The following ENPP6 variants were observed in gnomAD, a reference collection of about 807,000 sequenced individuals.
ENPP6 encodes the protein glycerophosphocholine cholinephosphodiesterase ENPP6.
ENPP6 carries 32 observed loss-of-function variants against 42.0 expected under a neutral mutation model. The observed-to-expected ratio is 0.76, with a 90% CI of 0.58 to 1.02. The LOEUF (loss-of-function observed/expected upper bound fraction) is 1.02, where lower values mean the gene tolerates loss of function less well. ENPP6 is among the 50% of genes least tolerant of loss of function. ENPP6 has a pLI of 0.00. For missense variants in ENPP6, 552 were observed against 566.8 expected (o/e 0.97, Z 0.27); for synonymous variants, 213 against 216.0 (o/e 0.99, Z 0.12).
At chr4:184,194,216 G>A (rs889424838) in intron 1 of ENPP6, among the ~76,000 whole-genome samples, 9 of 152,202 alleles carry the variant, frequency 5.9e-5, no homozygotes, top group Non-Finnish European at 1.2e-4. Flanking sequence ...TCCCGCAAGC[G>A]TCGCAGTGTG....
At chr4:184,188,729 A>G (rs1306034204) in intron 1 of ENPP6, among the ~76,000 whole-genome samples, 1 of 152,160 alleles carries the variant, frequency 6.6e-6, no homozygotes, top group Non-Finnish European at 1.5e-5. Flanking sequence ...TGTATTGCCA[A>G]TTAAATGTGG....
At chr4:184,110,008 G>C (rs1736173009) in intron 6 of ENPP6, among the ~76,000 whole-genome samples, 1 of 152,148 alleles carries the variant, frequency 6.6e-6, no homozygotes, top group South Asian at 2.1e-4. Flanking sequence ...GAAGGGAGAA[G>C]GTACTTGGAC....
At chr4:184,098,402 A>G (rs1735946728) in intron 6 of ENPP6, among the ~76,000 whole-genome samples, 2 of 152,126 alleles carry the variant, frequency 1.3e-5, no homozygotes, top group Non-Finnish European at 1.5e-5. Flanking sequence ...ATCTAATCAC[A>G]TTTCCTAGCA....
rs1305780969 is a variant in ENPP6, at chr4:184,153,617, A to G, written c.358T>C (p.Ser120Pro). ...DSLMPLWWNG[S>P]EPLWVTLTKA... ...GTCAGAGTGACCCACAGAGGTTCTGATCCATTCCACCAGAGAGGCATTAGG... is the reference window on the plus strand; with the variant it reads ...GTCAGAGTGACCCACAGAGGTTCTGGTCCATTCCACCAGAGAGGCATTAGG... The change falls in exon 2 of 8, where the codon TCA becomes CCA. Residue 120 changes from serine (S) to proline (P), a missense_variant. Ser to Pro is a moderately conservative substitution (Grantham distance 74, BLOSUM62 -1). Coordinates refer to ENST00000296741, the MANE Select transcript of ENPP6 (RefSeq NM_153343.4). 1.2e-6 allele frequency: 2 copies of G among 1,614,026 alleles called. No homozygotes were observed. Among genetic ancestry groups the G allele is most frequent in the African/African-American group, 1.3e-5 (1 of 74,912 alleles).
chr4:184,171,588 G>A (rs74503163), intron 1 of ENPP6, among the ~76,000 whole-genome samples: 7 of 152,204 alleles, frequency 4.6e-5, no homozygotes, highest in Admixed American at 2.6e-4. Flanking sequence ...ATAATTAAGC[G>A]GTGTCACGAG....
intron 1 of ENPP6, among the ~76,000 whole-genome samples, chr4:184,161,264 A>G (rs1579642352): frequency 6.6e-6 from 1 of 152,262 alleles, no homozygotes; most frequent in African/African-American, 2.4e-5. Flanking sequence ...GAAGATATAC[A>G]AATGACCAGC....
chr4:184,183,943 A>G (rs1007354964), intron 1 of ENPP6, among the ~76,000 whole-genome samples: 3 of 152,152 alleles, frequency 2.0e-5, no homozygotes, highest in Non-Finnish European at 4.4e-5. Flanking sequence ...TTCCCCTGCT[A>G]TTTGCCAGAG....
intron 6 of ENPP6, among the ~76,000 whole-genome samples, chr4:184,111,048 A>G (rs1014398447): frequency 2.0e-5 from 3 of 152,026 alleles, no homozygotes; most frequent in Non-Finnish European, 4.4e-5. Context: ...TGGAATTGAG[A>G]TGGCACCTCA....
chr4:184,146,181 C>T (rs1736917420), intron 2 of ENPP6, among the ~76,000 whole-genome samples: 1 of 151,646 alleles, frequency 6.6e-6, no homozygotes, highest in Non-Finnish European at 1.5e-5. Flanking sequence ...GCCTGTAATC[C>T]CAGCACTTTG....
At chr4:184,202,721 G>A (rs1269390014) in intron 1 of ENPP6, among the ~76,000 whole-genome samples, 5 of 152,278 alleles carry the variant, frequency 3.3e-5, no homozygotes, top group South Asian at 2.1e-4. Context: ...AAATCGGAGG[G>A]GAGGTCATTC....
chr4:184,205,991 G>T (rs1440749312), intron 1 of ENPP6, among the ~76,000 whole-genome samples: 2 of 152,150 alleles, frequency 1.3e-5, no homozygotes, highest in Admixed American at 1.3e-4. Flanking sequence ...CAGGACGCCC[G>T]GGAGGACACT....
At chr4:184,207,745 AC>A (rs2111121152) in intron 1 of ENPP6, among the ~76,000 whole-genome samples, 1 of 152,062 alleles carries the variant, frequency 6.6e-6, no homozygotes, top group East Asian at 1.9e-4. Flanking sequence ...CTGGGGCCCT[AC>A]TCCCTATTCT....
At chr4:184,210,768 A>G (rs1423207537) in intron 1 of ENPP6, among the ~76,000 whole-genome samples, 2 of 151,896 alleles carry the variant, frequency 1.3e-5, no homozygotes, top group Non-Finnish European at 2.9e-5. Context: ...CTCCACCCCA[A>G]ATCAACAGAA....
At chr4:184,131,179 T>TCTG (rs1736609970) in intron 2 of ENPP6, among the ~76,000 whole-genome samples, 1 of 62,272 alleles carries the variant, frequency 1.6e-5, no homozygotes, top group Admixed American at 1.2e-4. Flanking sequence ...CTTTCTTTCT[T>TCTG]TCTTTCTTTC....
At chr4:184,138,510 T>C (rs1736767270) in intron 2 of ENPP6, among the ~76,000 whole-genome samples, 1 of 151,544 alleles carries the variant, frequency 6.6e-6, no homozygotes, top group Non-Finnish European at 1.5e-5. Flanking sequence ...ATCTGTCTGG[T>C]GCTAAGGCAT....
intron 1 of ENPP6, among the ~76,000 whole-genome samples, chr4:184,210,106 C>T (rs1344396900): frequency 6.6e-6 from 1 of 151,466 alleles, no homozygotes. Flanking sequence ...GGGAAAGGAA[C>T]AACCGGTACC....
intron 1 of ENPP6, among the ~76,000 whole-genome samples, chr4:184,160,915 T>C (rs1009779105): frequency 2.0e-5 from 3 of 152,184 alleles, no homozygotes; most frequent in Non-Finnish European, 1.5e-5. Context: ...TGAATTTTAT[T>C]GGGGATTCAG....
chr4:184,186,387 AG>A (rs796640691), intron 1 of ENPP6, among the ~76,000 whole-genome samples: 57 of 152,322 alleles, frequency 3.7e-4, no homozygotes, highest in African/African-American at 1.3e-3. Context: ...GACGCAAAGT[AG>A]ATTAGCAGTT....
At chr4:184,095,665 A>ATAT (rs1227429418) in intron 7 of ENPP6, among the ~76,000 whole-genome samples, 49 of 135,478 alleles carry the variant, frequency 3.6e-4, no homozygotes, top group African/African-American at 1.2e-3. Flanking sequence ...AAAAAAAAAA[A>ATAT]ATATATCTAT....
Sources: gnomAD v4.1 joint callset for allele counts (sites outside exome capture counted in the v4.1 genomes callset) on GRCh38, gnomAD v4.1.1 for gene constraint, MANE v1.5 for transcripts, NCBI Gene and HGNC (gene_info 2026-07-23, HGNC 2026-07-21) for gene names.